MAP3K6: variants seen among roughly 807,000 people sequenced by gnomAD.
The protein encoded by MAP3K6 is apoptosis signal-regulating kinase 2.
In MAP3K6, 105 loss-of-function variants were observed where a neutral mutation model predicts 147.1. That is an observed-to-expected ratio of 0.71 (90% CI 0.61 to 0.84). The LOEUF (loss-of-function observed/expected upper bound fraction) is 0.84. Among genes scored for constraint, MAP3K6 ranks in the 40% least tolerant of loss-of-function variants. The pLI is 0.00. For synonymous variants in MAP3K6, 695 were observed against 732.4 expected (o/e 0.95, Z 0.82); for missense variants, 1,569 against 1,715.0 (o/e 0.91, Z 1.50).
At position 27,355,366 on chromosome 1, in the gene MAP3K6, G is replaced by A. The variant is rs760585492; in HGVS notation, c.*25C>T. 1 of 1,600,732 alleles carries A rather than the reference G, an allele frequency of 6.2e-7. No homozygotes were observed. The highest frequency in any genetic ancestry group is 1.7e-5 in the Admixed American group (1 of 60,010). On this transcript the variant is annotated 3_prime_UTR_variant, in exon 29 of 29. Coordinates refer to ENST00000357582, the MANE Select transcript of MAP3K6 (RefSeq NM_004672.5). ...CATTCATCCATCCTTGGGCCTGTCT[G>A]GCCTATGATGCCCTCATTCAGCTCT...
At chr1:27,356,141 T>G in intron 26 of MAP3K6, 42 bp from the exon 27 acceptor site, 2 of 1,562,050 alleles carry the variant, frequency 1.3e-6, no homozygotes, top group East Asian at 4.5e-5. Context: ...GAGTGCCTCC[T>G]GCTAGAAGCT....
chr1:27,357,559 T>C lies in MAP3K6; in HGVS notation c.3099A>G (p.Arg1033=), dbSNP rs748154932. ...AGCGCAGCAGCTCTTCCACATGGTT[T>C]CTGCCCAGACGGGCCCCCTGAGAAG... ...QKQEQGARLG[R]NHVEELLRCL... is the part of the protein sequence containing the mutation. The change falls in exon 23 of 29, where the codon AGA becomes AGG. Residue 1033 remains arginine (R), a synonymous_variant. Transcript: ENST00000357582. 6.2e-7 allele frequency: 1 copy of C among 1,610,430 alleles called. No individual in the cohort carries two copies. The highest frequency in any genetic ancestry group is 2.2e-5 in the East Asian group (1 of 44,772).
In MAP3K6 at chr1:27,358,600, G is replaced by A. The variant is rs770405060; in HGVS notation, c.2595C>T (p.Tyr865=). Residue 865 remains tyrosine (Y), a synonymous_variant, in exon 20 of 29, where the codon TAC becomes TAT. Transcript: ENST00000357582. The surrounding 1 kb of genome is among the most constrained non-coding windows in gnomAD (Gnocchi z 6.2). The part of the protein sequence containing the change: ...PQAAMFQVGM[Y]KVHPPMPSSL... ...AGCTGGGCATTGGCGGATGGACCTT[G>A]TACATACCCACCTGTGGGGGGAGGG... 1.4e-5 allele frequency: 23 copies of A among 1,613,636 alleles called. 1 individual carries two copies.
In MAP3K6 at chr1:27,359,035, C is replaced by A. The variant is rs922604347; in HGVS notation, c.2426-169G>T. ...CAAACATCTATCCTGAGTTCCATCA[C>A]CACCCTGGGCTCCATCGCCTGCCAA... On this transcript the variant is annotated intron_variant, in intron 18 of 28. Coordinates refer to ENST00000357582, the MANE Select transcript of MAP3K6 (RefSeq NM_004672.5). The surrounding 1 kb of genome is among the most constrained non-coding windows in gnomAD (Gnocchi z 4.4). Among the ~76,000 whole-genome samples the A allele has an allele frequency of 3.3e-5, 5 of 152,152 alleles. No homozygotes were observed. Among genetic ancestry groups the A allele is most frequent in the Admixed American group, 2.6e-4 (4 of 15,282 alleles).
In MAP3K6 at chr1:27,366,956, A is replaced by C. The variant is rs2148064666; in HGVS notation, c.-359T>G. On this transcript the variant is annotated 5_prime_UTR_variant, in exon 1 of 29. Coordinates refer to ENST00000357582, the MANE Select transcript of MAP3K6 (RefSeq NM_004672.5). The surrounding 1 kb of genome is among the most constrained non-coding windows in gnomAD (Gnocchi z 5.5). ...CGCCCGCCAACGCTGCCCTGCCTTC[A>C]CTTGTAGGCTAAGCCCAGCCCTTTC... is the stretch of plus-strand genomic sequence containing the variant. The C allele has an allele frequency of 6.6e-6, 1 of 152,292 alleles. No individual in the cohort carries two copies. Among genetic ancestry groups the C allele is most frequent in the African/African-American group, 2.4e-5 (1 of 41,506 alleles). 9.4% of individuals were successfully genotyped at this position (152,292 alleles called of 1,614,324 possible). A position where few individuals can be genotyped will look rare whatever the true frequency, so the allele number is the denominator to read the frequency against.
chr1:27,356,756 C>T lies in MAP3K6; in HGVS notation c.3365-7G>A. On this transcript the variant is annotated splice_region_variant and splice_polypyrimidine_tract_variant and intron_variant, in intron 24 of 28. Transcript: ENST00000357582. ...ACCGCCTCCTTCTCCACCTCTGCAG[C>T]CCAGTGCGGTGAACTCAGGCAAGGC... is the stretch of plus-strand genomic sequence containing the variant. The T allele has an allele frequency of 6.5e-7, 1 of 1,548,676 alleles. No individual in the cohort carries two copies.
At chr1:27,361,311 C>T (rs777617712) in intron 12 of MAP3K6, 35 bp downstream of exon 12, 7 of 1,613,862 alleles carry the variant, frequency 4.3e-6, no homozygotes, top group East Asian at 2.2e-5. Context: ...CCCTCACCTC[C>T]CGTCTTTCCA....
At position 27,358,827 on chromosome 1, in the gene MAP3K6, C is replaced by T. The variant is rs550309860; in HGVS notation, c.2465G>A (p.Gly822Asp). 6.2e-7 allele frequency: 1 copy of T among 1,604,522 alleles called. No individual in the cohort carries two copies. Among genetic ancestry groups the T allele is most frequent in the South Asian group, 1.1e-5 (1 of 89,630 alleles). ...AGCTGCTTTCCCATACCCGCGTGGG[C>T]CCTGGTCAATGATTTCTGGGGCCAT... ...QYMAPEIIDQ[G>D]PRGYGKAADI... Residue 822 changes from glycine (G) to aspartate (D), a missense_variant, in exon 19 of 29, where the codon GGC (glycine) becomes GAC (aspartate). By Grantham distance (94) the Gly-to-Asp change is moderately conservative. Transcript: ENST00000357582. This position sits in a 1 kb window ranked among gnomAD's most constrained non-coding sequence, Gnocchi z 6.2.
chr1:27,366,337 C>A lies in MAP3K6; in HGVS notation c.261G>T (p.Pro87=). The change falls in exon 1 of 29, where the codon CCG becomes CCT. Residue 87 remains proline (P), a synonymous_variant. Coordinates refer to ENST00000357582, the MANE Select transcript of MAP3K6 (RefSeq NM_004672.5). This position sits in a 1 kb window ranked among gnomAD's most constrained non-coding sequence, Gnocchi z 5.5. ...AGGGCAGGCTGCGCAGCTGCGGGGG[C>A]GGCCGCGGCCGGGGGACCTGCGCGC... ...EACAQVPRPR[P]PPQLRSLPFG... 3 of 1,290,836 alleles carry A rather than the reference C, an allele frequency of 2.3e-6. No individual in the cohort carries two copies. Among genetic ancestry groups the A allele is most frequent in the Non-Finnish European group, 2.9e-6 (3 of 1,021,016 alleles). 80.0% of individuals were successfully genotyped at this position (1,290,836 alleles called of 1,614,324 possible).
chr1:27,360,461 C>A lies in MAP3K6; in HGVS notation c.2055-93G>T, dbSNP rs1263357052. 7 of 1,468,724 alleles carry A rather than the reference C, an allele frequency of 4.8e-6. No homozygotes were observed. The highest frequency in any genetic ancestry group is 2.2e-5 in the Admixed American group (1 of 45,844). 91.0% of individuals were successfully genotyped at this position (1,468,724 alleles called of 1,614,324 possible). A position where few individuals can be genotyped will look rare whatever the true frequency, so the allele number is the denominator to read the frequency against. On this transcript the variant is annotated intron_variant, in intron 15 of 28. Coordinates refer to ENST00000357582, the MANE Select transcript of MAP3K6 (RefSeq NM_004672.5). This position sits in a 1 kb window ranked among gnomAD's most constrained non-coding sequence, Gnocchi z 4.5. The stretch of plus-strand genomic sequence containing the variant: ...AGCCTGGCCCCGCCCCAAGGACCCG[C>A]CCCGCCCACAAGCCCTCTCCGACCT...
rs1316135378 is a variant in MAP3K6 at position 27,359,900 on chromosome 1, A to G, written c.2277T>C (p.Leu759=). 1 of 1,614,128 alleles carries G rather than the reference A, an allele frequency of 6.2e-7. No homozygotes were observed. Among genetic ancestry groups the G allele is most frequent in the South Asian group, 1.1e-5 (1 of 91,076 alleles). The stretch of plus-strand genomic sequence containing the variant: ...CGATGTGGTTGTCGTGCAAGTAGCC[A>G]AGTCCCTGCAGGATCTGGCGGGTGT... ...SFYTRQILQG[L]GYLHDNHIVH... is the part of the protein sequence containing the mutation. Residue 759 remains leucine, a synonymous_variant, in exon 17 of 29, where the codon CTT becomes CTC. Transcript: ENST00000357582. The surrounding 1 kb of genome is among the most constrained non-coding windows in gnomAD (Gnocchi z 4.4).
chr1:27,357,291 TCA>T, intron 23 of MAP3K6, 107 bp downstream of exon 23: 1 of 1,449,996 alleles, frequency 6.9e-7, no homozygotes, highest in Non-Finnish European at 9.4e-7. Context: ...GGCCTGATCT[TCA>T]CAGAGGAGAC....
rs758412430 is a variant in MAP3K6 at position 27,362,857 on chromosome 1, T to C, written c.1136A>G (p.Tyr379Cys). Residue 379 changes from tyrosine (Y) to cysteine (C), a missense_variant, in exon 7 of 29, where the codon TAT becomes TGT. Transcript: ENST00000357582. ...FQDAGHREQA[Y>C]HWYRKAFDVE... ...CACTCACTGTGCTCTTTACCAGTGA[T>C]AGGCCTGCTCCCGGTGCCCAGCATC... 1 of 1,613,914 alleles carries C rather than the reference T, an allele frequency of 6.2e-7. No individual in the cohort carries two copies. Among genetic ancestry groups the C allele is most frequent in the Non-Finnish European group, 8.5e-7 (1 of 1,179,934 alleles).
chr1:27,357,564 C>G lies in MAP3K6; in HGVS notation c.3094G>C (p.Gly1032Arg). ...EQKQEQGARL[G>R]RNHVEELLRC... The stretch of plus-strand genomic sequence containing the variant: ...AGCAGCTCTTCCACATGGTTTCTGC[C>G]CAGACGGGCCCCCTGAGAAGGAAGA... Residue 1032 changes from glycine (G) to arginine (R), a missense_variant, in exon 23 of 29, where the codon GGC (glycine) becomes CGC (arginine). Physicochemically the swap from Gly to Arg is moderately radical, Grantham distance 125. Transcript: ENST00000357582. 1 of 1,608,168 alleles carries G rather than the reference C, an allele frequency of 6.2e-7. No homozygotes were observed. Among genetic ancestry groups the G allele is most frequent in the Non-Finnish European group, 8.5e-7 (1 of 1,176,408 alleles).
rs2015671797 is a variant in MAP3K6, at chr1:27,359,715, T to G, written c.2319+143A>C. On this transcript the variant is annotated intron_variant, in intron 17 of 28. Coordinates refer to ENST00000357582, the MANE Select transcript of MAP3K6 (RefSeq NM_004672.5). The surrounding 1 kb of genome is among the most constrained non-coding windows in gnomAD (Gnocchi z 4.4). ...CTTCAGAGCTGAACCTTTCCCCTCCTTCTCTAAGGAGCCTCCCTGATGAAT... is the reference window on the plus strand; with the variant it reads ...CTTCAGAGCTGAACCTTTCCCCTCCGTCTCTAAGGAGCCTCCCTGATGAAT... The G allele has an allele frequency of 7.1e-7, 1 of 1,407,432 alleles. No individual in the cohort carries two copies. Among genetic ancestry groups the G allele is most frequent in the Admixed American group, 2.1e-5 (1 of 47,132 alleles). 87.2% of individuals were successfully genotyped at this position (1,407,432 alleles called of 1,614,324 possible).
rs775006538 is a variant in MAP3K6, at chr1:27,364,128, G to A, written c.696-43C>T. The A allele has an allele frequency of 1.1e-5, 17 of 1,601,924 alleles. No homozygotes were observed. The highest frequency in any genetic ancestry group is 6.7e-5 in the South Asian group (6 of 90,166). On this transcript the variant is annotated intron_variant, in intron 4 of 28. Transcript: ENST00000357582. This position sits in a 1 kb window ranked among gnomAD's most constrained non-coding sequence, Gnocchi z 4.4. ...GGAGGCAGGGAGAGAGAATGGTGGG[G>A]CCTGTACCTCAGCCCCAGCCCACCA...
rs1557565374 is a variant in MAP3K6 at position 27,362,966 on chromosome 1, G to C, written c.1027C>G (p.Gln343Glu). ...KALSVLLPLV[Q>E]LEGSVAPDLY... Reference sequence around the variant, plus strand: ...TCGGGCGCCACAGAGCCCTCAAGCTGTACCAGCGGCAGCAGCACAGACAGG... The same window carrying C: ...TCGGGCGCCACAGAGCCCTCAAGCTCTACCAGCGGCAGCAGCACAGACAGG... Residue 343 changes from glutamine (Q) to glutamate (E), a missense_variant, in exon 7 of 29, where the codon CAG (glutamine) becomes GAG (glutamate). Physicochemically the swap from Gln to Glu is conservative, Grantham distance 29 (BLOSUM62 2). Transcript: ENST00000357582. The C allele has an allele frequency of 1.2e-5, 20 of 1,613,958 alleles. No homozygotes were observed. The highest frequency in any genetic ancestry group is 2.2e-5 in the East Asian group (1 of 44,904).
Position 27,361,638 on chromosome 1 carries a change from T to G in MAP3K6, c.1579-11A>C, listed in dbSNP as rs995314906. The G allele has an allele frequency of 2.5e-6, 4 of 1,614,116 alleles. No individual in the cohort carries two copies. The highest frequency in any genetic ancestry group is 2.5e-6 in the Non-Finnish European group (3 of 1,180,014). On this transcript the variant is annotated splice_polypyrimidine_tract_variant and intron_variant, in intron 10 of 28. Transcript: ENST00000357582. ...CTCCAGGACCAGCACCTGCAGGCAGTTGGGGAGTGGGGTCAGTCAGAAGGG... is the reference window on the plus strand; with the variant it reads ...CTCCAGGACCAGCACCTGCAGGCAGGTGGGGAGTGGGGTCAGTCAGAAGGG...
At position 27,360,567 on chromosome 1, in the gene MAP3K6, C is replaced by T. The variant is rs2015711068; in HGVS notation, c.2054+138G>A. 7 of 1,409,560 alleles carry T rather than the reference C, an allele frequency of 5.0e-6. No individual in the cohort carries two copies. 87.3% of individuals were successfully genotyped at this position (1,409,560 alleles called of 1,614,324 possible). On this transcript the variant is annotated intron_variant, in intron 15 of 28. Transcript: ENST00000357582. This position sits in a 1 kb window ranked among gnomAD's most constrained non-coding sequence, Gnocchi z 4.5. Reference sequence around the variant, plus strand: ...CGGTCCTGGCTGTTCCGCCCACGGGCCCAGTCCACAGGGCTCGAACTCTCA... The same window carrying T: ...CGGTCCTGGCTGTTCCGCCCACGGGTCCAGTCCACAGGGCTCGAACTCTCA...
Sources: gnomAD v4.1 joint callset for allele counts (sites outside exome capture counted in the v4.1 genomes callset) on GRCh38, gnomAD v4.1.1 for gene constraint, Gnocchi (gnomAD v3.1) non-coding constraint, MANE v1.5 for transcripts, NCBI Gene and HGNC (gene_info 2026-07-23, HGNC 2026-07-21) for gene names.